YIPF4: variants seen among roughly 807,000 people sequenced by gnomAD.
YIPF4 encodes protein YIPF4.
In YIPF4, 18 loss-of-function variants were observed where a neutral mutation model predicts 29.4. The observed-to-expected ratio is 0.61, with a 90% CI of 0.42 to 0.91. The LOEUF (loss-of-function observed/expected upper bound fraction) is 0.91, where lower values mean the gene tolerates loss of function less well. Ranked by LOEUF, YIPF4 falls within the 40% of genes least tolerant of loss-of-function variation. YIPF4 has a pLI of 0.00. For synonymous variants in YIPF4, 115 were observed against 104.7 expected, an observed-to-expected ratio of 1.10 and a Z score of -0.60; for missense variants, 279 against 282.7, an observed-to-expected ratio of 0.99 and a Z score of 0.09.
In YIPF4 at chr2:32,307,189, C is replaced by CCTTA. The variant is rs771182151; in HGVS notation, c.*1564_*1565insTTAC. 8 of 1,234,598 alleles carry CCTTA rather than the reference C, an allele frequency of 6.5e-6. No individual in the cohort carries two copies. The highest frequency in any genetic ancestry group is 8.5e-6 in the Non-Finnish European group (8 of 945,670). 76.5% of individuals were successfully genotyped at this position (1,234,598 alleles called of 1,614,324 possible). On this transcript the variant is annotated 3_prime_UTR_variant, in exon 6 of 6. Coordinates refer to ENST00000238831, the MANE Select transcript of YIPF4 (RefSeq NM_032312.4). ...ATATCTATGCCTACAGAAGCAGCAACCGTAAGATAAACATTTGTTACACTT... is the reference window on the plus strand; with the variant it reads ...ATATCTATGCCTACAGAAGCAGCAACCTTACGTAAGATAAACATTTGTTACACTT...
At chr2:32,293,431 C>T (rs954991134) in intron 3 of YIPF4, among the ~76,000 whole-genome samples, 2 of 152,194 alleles carry the variant, frequency 1.3e-5, no homozygotes, top group African/African-American at 4.8e-5. Context: ...CAACAGGATC[C>T]CAAGGCAGAA....
At chr2:32,286,784 T>G (rs754358934) in intron 1 of YIPF4, among the ~76,000 whole-genome samples, 3 of 152,110 alleles carry the variant, frequency 2.0e-5, no homozygotes, top group Admixed American at 6.6e-5. Context: ...GACCTCGTGA[T>G]CTGCCCACCT....
Position 32,279,394 on chromosome 2 carries a change from C to CTTTT in YIPF4, c.79+1178_79+1181dup, listed in dbSNP as rs35036420. 4.5e-3 allele frequency among the ~76,000 whole-genome samples: 441 copies of CTTTT among 98,702 alleles called. 12 individuals are homozygous for CTTTT. Among genetic ancestry groups the CTTTT allele is most frequent in the Non-Finnish European group, 5.8e-3 (304 of 52,786 alleles). 64.8% of individuals were successfully genotyped at this position (98,702 alleles called of 152,430 possible). ...AGTCTGAGAAAGAACCTAGATTTTCCTTTTTTTTTTTTTTTTTTTTTGAGA... is the reference window on the plus strand; with the variant it reads ...AGTCTGAGAAAGAACCTAGATTTTCCTTTTTTTTTTTTTTTTTTTTTTTTTGAGA... On this transcript the variant is annotated intron_variant, in intron 1 of 5. Transcript: ENST00000238831.
Position 32,315,399 on chromosome 2 carries a change from G to C in YIPF4, c.*9773G>C, listed in dbSNP as rs1227709112. ...AAGTCAGGGATCTGTTAGGAAGAAT[G>C]GATGCTAGGTAGGTAAATGGCAATG... On this transcript the variant is annotated 3_prime_UTR_variant, in exon 6 of 6. Coordinates refer to ENST00000238831, the MANE Select transcript of YIPF4 (RefSeq NM_032312.4). 6.6e-6 allele frequency: 1 copy of C among 152,228 alleles called. No homozygotes were observed. Among genetic ancestry groups the C allele is most frequent in the Non-Finnish European group, 1.5e-5 (1 of 68,064 alleles). 9.4% of individuals were successfully genotyped at this position (152,228 alleles called of 1,614,324 possible). A position where few individuals can be genotyped will look rare whatever the true frequency, so the allele number is the denominator to read the frequency against.
At position 32,278,055 on chromosome 2, in the gene YIPF4, C is replaced by A; in HGVS notation, c.-101C>A. 2 of 1,045,228 alleles carry A rather than the reference C, an allele frequency of 1.9e-6. No individual in the cohort carries two copies. Among genetic ancestry groups the A allele is most frequent in the Non-Finnish European group, 2.7e-6 (2 of 732,458 alleles). 64.7% of individuals were successfully genotyped at this position (1,045,228 alleles called of 1,614,324 possible). Reference sequence around the variant, plus strand: ...CAGCTTGCACGTCGAGACTCGTAGGCCGCACCGTAGGGCGAGCGTGCGGGT... The same window carrying A: ...CAGCTTGCACGTCGAGACTCGTAGGACGCACCGTAGGGCGAGCGTGCGGGT... On this transcript the variant is annotated 5_prime_UTR_variant, in exon 1 of 6. Coordinates refer to ENST00000238831, the MANE Select transcript of YIPF4 (RefSeq NM_032312.4).
Position 32,278,099 on chromosome 2 carries a change from G to A in YIPF4, c.-57G>A. On this transcript the variant is annotated 5_prime_UTR_variant, in exon 1 of 6. Coordinates refer to ENST00000238831, the MANE Select transcript of YIPF4 (RefSeq NM_032312.4). ...TGCGGGTCGCCGCCGCGGCCGCCTC[G>A]GGGTCTGGGCCCAGCCGCAGCCTCT... 6.8e-7 allele frequency: 1 copy of A among 1,478,608 alleles called. No homozygotes were observed. The highest frequency in any genetic ancestry group is 9.1e-7 in the Non-Finnish European group (1 of 1,102,310). 91.6% of individuals were successfully genotyped at this position (1,478,608 alleles called of 1,614,324 possible).
rs1272117774 is a variant in YIPF4 at position 32,314,865 on chromosome 2, T to C, written c.*9239T>C. The C allele has an allele frequency of 6.6e-6, 1 of 152,186 alleles. No homozygotes were observed. The highest frequency in any genetic ancestry group is 1.9e-4 in the East Asian group (1 of 5,188). 9.4% of individuals were successfully genotyped at this position (152,186 alleles called of 1,614,324 possible). On this transcript the variant is annotated 3_prime_UTR_variant, in exon 6 of 6. Coordinates refer to ENST00000238831, the MANE Select transcript of YIPF4 (RefSeq NM_032312.4). ...AGAATTATACCCAATTAATTATACATGGGAAGGTGATGAAGGTAGCATGTC... is the reference window on the plus strand; with the variant it reads ...AGAATTATACCCAATTAATTATACACGGGAAGGTGATGAAGGTAGCATGTC...
chr2:32,291,374 A>C (rs1041306863), intron 2 of YIPF4, among the ~76,000 whole-genome samples: 4 of 152,216 alleles, frequency 2.6e-5, no homozygotes, highest in African/African-American at 9.6e-5. Flanking sequence ...ATCTCTACTA[A>C]AAATACAAAA....
chr2:32,313,980 C>T lies in YIPF4; in HGVS notation c.*8354C>T, dbSNP rs979236331. The T allele has an allele frequency of 6.6e-6, 1 of 152,234 alleles. No individual in the cohort carries two copies. The highest frequency in any genetic ancestry group is 2.1e-4 in the South Asian group (1 of 4,830). The allele number at this position is 152,234 out of a possible 1,614,324, so 9.4% of individuals were successfully genotyped here. The stretch of plus-strand genomic sequence containing the variant: ...AAGTGCTGGGATTATAGGCATGAAC[C>T]ACTGCGCCCAGCCAGAAACGTGCTT... On this transcript the variant is annotated 3_prime_UTR_variant, in exon 6 of 6. Coordinates refer to ENST00000238831, the MANE Select transcript of YIPF4 (RefSeq NM_032312.4).
At chr2:32,284,087 A>G (rs1402107812) in intron 1 of YIPF4, among the ~76,000 whole-genome samples, 2 of 152,128 alleles carry the variant, frequency 1.3e-5, no homozygotes, top group African/African-American at 4.8e-5. Context: ...AATTCATTCA[A>G]TAAGCATGCA....
chr2:32,298,508 C>A (rs1446907749), intron 4 of YIPF4, among the ~76,000 whole-genome samples, 197 bp downstream of exon 4: 1 of 151,968 alleles, frequency 6.6e-6, no homozygotes, highest in East Asian at 1.9e-4. Context: ...AGAAAATATC[C>A]CGTCCCATTT....
Position 32,278,112 on chromosome 2 carries a change from A to G in YIPF4, c.-44A>G. 6.5e-7 allele frequency: 1 copy of G among 1,527,544 alleles called. No homozygotes were observed. The highest frequency in any genetic ancestry group is 1.2e-5 in the South Asian group (1 of 82,752). 94.6% of individuals were successfully genotyped at this position (1,527,544 alleles called of 1,614,324 possible). A position where few individuals can be genotyped will look rare whatever the true frequency, so the allele number is the denominator to read the frequency against. On this transcript the variant is annotated 5_prime_UTR_variant, in exon 1 of 6. Transcript: ENST00000238831. ...CGCGGCCGCCTCGGGGTCTGGGCCCAGCCGCAGCCTCTTCTACCGCGGCCG... is the reference window on the plus strand; with the variant it reads ...CGCGGCCGCCTCGGGGTCTGGGCCCGGCCGCAGCCTCTTCTACCGCGGCCG...
Position 32,311,220 on chromosome 2 carries a change from C to T in YIPF4, c.*5594C>T, listed in dbSNP as rs913054033. 1 of 152,150 alleles carries T rather than the reference C, an allele frequency of 6.6e-6. No individual in the cohort carries two copies. Among genetic ancestry groups the T allele is most frequent in the Admixed American group, 6.6e-5 (1 of 15,264 alleles). The allele number at this position is 152,150 out of a possible 1,614,324, so 9.4% of individuals were successfully genotyped here. A position where few individuals can be genotyped will look rare whatever the true frequency, so the allele number is the denominator to read the frequency against. On this transcript the variant is annotated 3_prime_UTR_variant, in exon 6 of 6. Coordinates refer to ENST00000238831, the MANE Select transcript of YIPF4 (RefSeq NM_032312.4). ...ACTTATGAATACATTTTATTTATAA[C>T]AAACTGGTGAAAATTTTAGACCAAA...
chr2:32,282,581 C>G (rs1332762622), intron 1 of YIPF4, among the ~76,000 whole-genome samples: 1 of 151,942 alleles, frequency 6.6e-6, no homozygotes, highest in East Asian at 2.0e-4. Flanking sequence ...TACAGGCTCG[C>G]GCCACCACAC....
rs371267939 is a variant in YIPF4, at chr2:32,298,189, C to G, written c.406-45C>G. On this transcript the variant is annotated intron_variant, in intron 3 of 5. Transcript: ENST00000238831. ...AATCGAGTTCCTGGAAAATTATCAT[C>G]TTATTTGGTATAAAAATATTAATTG... 3.8e-5 allele frequency: 54 copies of G among 1,418,034 alleles called. No homozygotes were observed. The African/African-American group carries it at 7.5e-4, about 20-fold the overall frequency. The allele number at this position is 1,418,034 out of a possible 1,614,324, so 87.8% of individuals were successfully genotyped here. A position where few individuals can be genotyped will look rare whatever the true frequency, so the allele number is the denominator to read the frequency against.
chr2:32,286,007 C>G (rs1292145560), intron 1 of YIPF4, among the ~76,000 whole-genome samples: 1 of 152,016 alleles, frequency 6.6e-6, no homozygotes, highest in Non-Finnish European at 1.5e-5. Context: ...CTTTTATTTC[C>G]TTTTTGAAAA....
rs1303711524 is a variant in YIPF4 at position 32,316,233 on chromosome 2, A to C, written c.*10607A>C. The C allele has an allele frequency of 6.6e-6, 1 of 152,162 alleles. No individual in the cohort carries two copies. Among genetic ancestry groups the C allele is most frequent in the Non-Finnish European group, 1.5e-5 (1 of 68,024 alleles). 9.4% of individuals were successfully genotyped at this position (152,162 alleles called of 1,614,324 possible). On this transcript the variant is annotated 3_prime_UTR_variant, in exon 6 of 6. Transcript: ENST00000238831. ...ATTTATCAGTAAATTTAAATGGGCA[A>C]AGGAAATACTTGGACAATCATATCA... is the stretch of plus-strand genomic sequence containing the variant.
chr2:32,290,421 C>G (rs2030860329), intron 1 of YIPF4, 62 bp from the exon 2 acceptor site: 48 of 1,242,454 alleles, frequency 3.9e-5, no homozygotes, highest in Non-Finnish European at 5.1e-5. Context: ...TATCTGCTCA[C>G]TTTGGTTAAG....
rs576134590 is a variant in YIPF4, at chr2:32,278,085, G to A, written c.-71G>A. The A allele has an allele frequency of 2.9e-6, 4 of 1,401,242 alleles. No individual in the cohort carries two copies. The highest frequency in any genetic ancestry group is 5.4e-5 in the East Asian group (2 of 36,786). The allele number at this position is 1,401,242 out of a possible 1,614,324, so 86.8% of individuals were successfully genotyped here. ...CCGTAGGGCGAGCGTGCGGGTCGCC[G>A]CCGCGGCCGCCTCGGGGTCTGGGCC... On this transcript the variant is annotated 5_prime_UTR_variant, in exon 1 of 6. Coordinates refer to ENST00000238831, the MANE Select transcript of YIPF4 (RefSeq NM_032312.4).
Sources: gnomAD v4.1 joint callset for allele counts (sites outside exome capture counted in the v4.1 genomes callset) on GRCh38, gnomAD v4.1.1 for gene constraint, MANE v1.5 for transcripts, NCBI Gene and HGNC (gene_info 2026-07-23, HGNC 2026-07-21) for gene names.